The following KIAA1217 variants were observed in gnomAD, a reference collection of about 807,000 sequenced individuals.
KIAA1217 encodes the protein sickle tail protein homolog.
Under a neutral mutation model 163.9 loss-of-function variants are expected in KIAA1217, and 88 were observed. That is an observed-to-expected ratio of 0.54 (90% CI 0.45 to 0.64). The LOEUF (loss-of-function observed/expected upper bound fraction) is 0.64, where lower values mean the gene tolerates loss of function less well. Ranked by LOEUF, KIAA1217 falls within the 30% of genes least tolerant of loss-of-function variation. KIAA1217 has a pLI of 0.00. For missense variants in KIAA1217, 2,372 were observed against 2,475.0 expected (o/e 0.96, Z 0.88); for synonymous variants, 903 against 923.1 (o/e 0.98, Z 0.39).
At chr10:24,309,126 A>C (rs1355029146) in intron 2 of KIAA1217, among the ~76,000 whole-genome samples, 2 of 146,662 alleles carry the variant, frequency 1.4e-5, no homozygotes, top group Non-Finnish European at 3.0e-5. Flanking sequence ...CTGTCAAAAA[A>C]AAAAAAAAAA....
intron 3 of KIAA1217, among the ~76,000 whole-genome samples, chr10:24,413,452 A>T (rs1375359487): frequency 6.6e-6 from 1 of 152,138 alleles, no homozygotes; most frequent in African/African-American, 2.4e-5. Context: ...GATTACAGGC[A>T]TGAGCCACCA....
intron 1 of KIAA1217, among the ~76,000 whole-genome samples, chr10:23,913,362 C>T (rs1842513389): frequency 6.6e-6 from 1 of 151,978 alleles, no homozygotes; most frequent in African/African-American, 2.4e-5. Context: ...TCATAGTTTA[C>T]CGTGTTGTTT....
intron 3 of KIAA1217, among the ~76,000 whole-genome samples, chr10:24,401,922 C>T (rs1392611181): frequency 1.3e-5 from 2 of 151,886 alleles, no homozygotes; most frequent in South Asian, 4.1e-4. Flanking sequence ...CAAATGGAAG[C>T]CAAAATAAAA....
chr10:23,980,430 T>A (rs561937868), intron 1 of KIAA1217, among the ~76,000 whole-genome samples: 71 of 152,162 alleles, frequency 4.7e-4, no homozygotes, highest in African/African-American at 1.7e-3. Context: ...GTCTGAGGAG[T>A]CCAGCCTTCT....
chr10:24,449,769 G>A lies in KIAA1217; in HGVS notation c.846+11290G>A, dbSNP rs950249034. 6.1e-6 allele frequency: 6 copies of A among 982,532 alleles called. No homozygotes were observed. In the Admixed American group the frequency reaches 3.7e-4, roughly 60 times the overall value. 60.9% of individuals were successfully genotyped at this position (982,532 alleles called of 1,614,324 possible). A position where few individuals can be genotyped will look rare whatever the true frequency, so the allele number is the denominator to read the frequency against. On this transcript the variant is annotated intron_variant, in intron 5 of 20. Coordinates refer to ENST00000376454, the MANE Select transcript of KIAA1217 (RefSeq NM_019590.5). ...AAGGCTCACGGAAAATGTAAGGTAA[G>A]AACTGTGCCTTTATGATAGGATATT...
At chr10:24,517,585 T>C (rs1264288876) in intron 10 of KIAA1217, among the ~76,000 whole-genome samples, 1 of 152,224 alleles carries the variant, frequency 6.6e-6, no homozygotes, top group Admixed American at 6.5e-5. Context: ...CTCCTTTTTG[T>C]TCTTCTCCTT....
At chr10:24,429,470 G>C (rs2059419078) in intron 3 of KIAA1217, among the ~76,000 whole-genome samples, 1 of 152,080 alleles carries the variant, frequency 6.6e-6, no homozygotes, top group East Asian at 1.9e-4. Flanking sequence ...ATGATTCTAT[G>C]TTTCATATTG....
At chr10:24,036,753 C>T (rs750887373) in intron 2 of KIAA1217, among the ~76,000 whole-genome samples, 4 of 152,108 alleles carry the variant, frequency 2.6e-5, no homozygotes, top group South Asian at 2.1e-4. Flanking sequence ...AGAGTGAGAA[C>T]GCACTCATTA....
At chr10:23,776,339 A>AAT (rs5783863) in intron 1 of KIAA1217, among the ~76,000 whole-genome samples, 67 of 114,186 alleles carry the variant, frequency 5.9e-4, no homozygotes, top group South Asian at 1.3e-3. Flanking sequence ...AGCTATTGGA[A>AAT]ATATATATAT....
chr10:23,880,661 C>A (rs1303599065), intron 1 of KIAA1217, among the ~76,000 whole-genome samples: 1 of 151,862 alleles, frequency 6.6e-6, no homozygotes, highest in African/African-American at 2.4e-5. Flanking sequence ...CTCTGTCCAC[C>A]CTCATGTGAT....
chr10:24,277,133 C>T (rs1240938014), intron 2 of KIAA1217, among the ~76,000 whole-genome samples: 1 of 152,204 alleles, frequency 6.6e-6, no homozygotes, highest in African/African-American at 2.4e-5. Flanking sequence ...AGTTTTATAG[C>T]TTGGAAATTC....
At position 24,323,351 on chromosome 10, in the gene KIAA1217, G is replaced by A. The variant is rs961396461; in HGVS notation, c.355-57518G>A. ...ACCTATGCATCTATTTAATTTATAC[G>A]TATGTACAGAGAGATTTTTGCGTGC... is the stretch of plus-strand genomic sequence containing the variant. On this transcript the variant is annotated intron_variant, in intron 2 of 20. Coordinates refer to ENST00000376454, the MANE Select transcript of KIAA1217 (RefSeq NM_019590.5). 4.6e-5 allele frequency among the ~76,000 whole-genome samples: 7 copies of A among 152,096 alleles called. No individual in the cohort carries two copies. In the East Asian group the frequency reaches 5.8e-4, roughly 13 times the overall value.
chr10:24,231,956 A>G (rs1442809658), intron 2 of KIAA1217, among the ~76,000 whole-genome samples: 3 of 151,988 alleles, frequency 2.0e-5, no homozygotes, highest in East Asian at 1.9e-4. Context: ...ACCACGCCTG[A>G]GTAATCTTTG....
At chr10:23,818,113 A>C (rs1448930364) in intron 1 of KIAA1217, among the ~76,000 whole-genome samples, 2 of 139,806 alleles carry the variant, frequency 1.4e-5, no homozygotes, top group Non-Finnish European at 3.1e-5. Flanking sequence ...ACACACACAT[A>C]TATATATATA....
intron 1 of KIAA1217, among the ~76,000 whole-genome samples, chr10:23,937,791 A>G (rs1843594864): frequency 6.6e-6 from 1 of 152,164 alleles, no homozygotes; most frequent in Non-Finnish European, 1.5e-5. Flanking sequence ...TATAAGAAAT[A>G]ATGATTTTCA....
At chr10:24,374,597 C>T (rs1173022156) in intron 2 of KIAA1217, among the ~76,000 whole-genome samples, 2 of 152,180 alleles carry the variant, frequency 1.3e-5, no homozygotes, top group Admixed American at 1.3e-4. Context: ...GCAGTTCTCA[C>T]ATCCACCCGT....
At chr10:24,378,814 A>C (rs2052891013) in intron 2 of KIAA1217, among the ~76,000 whole-genome samples, 1 of 152,210 alleles carries the variant, frequency 6.6e-6, no homozygotes, top group Non-Finnish European at 1.5e-5. Flanking sequence ...CGTGAATAAC[A>C]ACAAAAAGAG....
intron 1 of KIAA1217, among the ~76,000 whole-genome samples, chr10:24,005,793 A>G (rs1322418437): frequency 1.3e-5 from 2 of 152,168 alleles, no homozygotes; most frequent in Admixed American, 6.5e-5. Context: ...GAATGGAGAA[A>G]ATGTTGTTCT....
chr10:24,118,103 A>G (rs2131767115), intron 2 of KIAA1217, among the ~76,000 whole-genome samples: 1 of 151,292 alleles, frequency 6.6e-6, no homozygotes, highest in East Asian at 2.0e-4. Context: ...ACGTGAATTT[A>G]CCTCTATAAC....
Sources: allele counts gnomAD v4.1 joint callset (sites outside exome capture counted in the v4.1 genomes callset), GRCh38; gene constraint gnomAD v4.1.1; transcripts MANE v1.5; gene names NCBI Gene and HGNC (gene_info 2026-07-23, HGNC 2026-07-21).